The following DLGAP1 variants were observed in gnomAD, a reference collection of about 807,000 sequenced individuals.
DLGAP1 encodes disks large-associated protein 1.
In DLGAP1, 11 loss-of-function variants were observed where a neutral mutation model predicts 90.8. That is an observed-to-expected ratio of 0.12 (90% CI 0.08 to 0.20). The LOEUF is 0.20. Ranked by LOEUF, DLGAP1 falls within the 10% of genes least tolerant of loss-of-function variation. DLGAP1 has a pLI of 1.00. For missense variants in DLGAP1, 1,050 were observed against 1,333.8 expected (o/e 0.79, Z 3.31); for synonymous variants, 558 against 540.7 (o/e 1.03, Z -0.44).
chr18:3,879,897 C>T lies in DLGAP1; in HGVS notation c.172G>A (p.Val58Met), dbSNP rs1258270976. 1 of 1,612,056 alleles carries T rather than the reference C, an allele frequency of 6.2e-7. No individual in the cohort carries two copies. Among genetic ancestry groups the T allele is most frequent in the East Asian group, 2.2e-5 (1 of 44,850 alleles). Residue 58 changes from valine (V) to methionine (M), a missense_variant, in exon 4 of 13, where the codon GTG (valine) becomes ATG (methionine). Val to Met is a conservative substitution (Grantham distance 21). This residue lies in a region of DLGAP1 where 485 missense variants were observed against 454.1 expected (regional missense o/e 1.07). Coordinates refer to ENST00000315677, the MANE Select transcript of DLGAP1 (RefSeq NM_004746.4). This position sits in a 1 kb window ranked among gnomAD's most constrained non-coding sequence, Gnocchi z 6.6. ...TQRNSFQAEC[V>M]GPFSDPLASS... ...GCCAGCGGGTCGCTGAAGGGGCCCA[C>T]GCACTCAGCCTGGAAGGAGTTCCGC...
intron 2 of DLGAP1, among the ~76,000 whole-genome samples, chr18:4,129,335 T>C (rs1050005990): frequency 5.9e-5 from 9 of 152,086 alleles, no homozygotes; most frequent in African/African-American, 2.2e-4. Flanking sequence ...CACACACATA[T>C]AATAGTTTGG....
intron 2 of DLGAP1, among the ~76,000 whole-genome samples, chr18:4,089,333 C>A (rs146878331): frequency 0.017 from 2,645 of 152,310 alleles, 80 homozygotes; most frequent in African/African-American, 0.058. Context: ...ACATTCCATG[C>A]TCATGGATAG....
chr18:3,606,228 C>T (rs905569743), intron 7 of DLGAP1, among the ~76,000 whole-genome samples: 3 of 152,144 alleles, frequency 2.0e-5, no homozygotes, highest in East Asian at 1.9e-4. Context: ...GGTGCCTTGA[C>T]GAGTCACCAC....
intron 9 of DLGAP1, among the ~76,000 whole-genome samples, chr18:3,553,278 T>G (rs1273120491): frequency 1.3e-5 from 2 of 152,210 alleles, no homozygotes; most frequent in Non-Finnish European, 2.9e-5. Context: ...GTTGTAAGAC[T>G]ATACATAGGA....
At chr18:3,600,750 A>C (rs867838617) in intron 7 of DLGAP1, among the ~76,000 whole-genome samples, 1,204 of 10,860 alleles carry the variant, frequency 0.11, 263 homozygotes, top group African/African-American at 0.15. Context: ...ATATATAGAT[A>C]TATATAGATA....
intron 7 of DLGAP1, among the ~76,000 whole-genome samples, chr18:3,611,862 C>A (rs2057650567): frequency 6.6e-6 from 1 of 152,196 alleles, no homozygotes; most frequent in Non-Finnish European, 1.5e-5. Flanking sequence ...TGGATGGGAC[C>A]AAGTCCTGTT....
intron 4 of DLGAP1, among the ~76,000 whole-genome samples, chr18:3,852,361 C>A (rs1340658297): frequency 1.3e-5 from 2 of 152,104 alleles, no homozygotes. Flanking sequence ...CTAACCTCAG[C>A]AAAGAGTGGA....
At chr18:4,223,627 A>C (rs913233879) in intron 1 of DLGAP1, among the ~76,000 whole-genome samples, 2 of 152,236 alleles carry the variant, frequency 1.3e-5, no homozygotes, top group Non-Finnish European at 2.9e-5. Context: ...TAACAACAAT[A>C]GATATTAAAA....
rs1219081339 is a variant in DLGAP1 at position 4,240,864 on chromosome 18, T to G, written c.-266-89577A>C. Among the ~76,000 whole-genome samples, 6 of 152,340 alleles carry G rather than the reference T, an allele frequency of 3.9e-5. 1 individual carries two copies. Among genetic ancestry groups the G allele is most frequent in the Admixed American group, 3.9e-4 (6 of 15,298 alleles). On this transcript the variant is annotated intron_variant, in intron 1 of 12. Coordinates refer to ENST00000315677, the MANE Select transcript of DLGAP1 (RefSeq NM_004746.4). ...TCTCAAAAGTTCCATGTGGTTACTA[T>G]GCAATCATACGAACTTACACAATTT...
At chr18:4,194,293 T>A (rs1241295082) in intron 1 of DLGAP1, among the ~76,000 whole-genome samples, 1 of 152,242 alleles carries the variant, frequency 6.6e-6, no homozygotes, top group Non-Finnish European at 1.5e-5. Flanking sequence ...TTCTTTAGGA[T>A]AATGTTGGCC....
intron 1 of DLGAP1, among the ~76,000 whole-genome samples, chr18:4,327,292 TAC>T (rs2080843706): frequency 6.6e-6 from 1 of 152,024 alleles, no homozygotes; most frequent in Admixed American, 6.6e-5. Context: ...TTACACAAGG[TAC>T]ACATATATCA....
intron 1 of DLGAP1, among the ~76,000 whole-genome samples, chr18:4,244,975 C>T (rs2078623578): frequency 6.6e-6 from 1 of 152,150 alleles, no homozygotes; most frequent in Non-Finnish European, 1.5e-5. Context: ...AACAGTTCTC[C>T]CTTATTCTTG....
chr18:4,432,620 G>A (rs953020662), intron 1 of DLGAP1, among the ~76,000 whole-genome samples: 2 of 152,042 alleles, frequency 1.3e-5, no homozygotes, highest in African/African-American at 4.8e-5. Flanking sequence ...GTGTGTGTGT[G>A]TGTGTGGTGA....
chr18:3,985,294 T>A (rs755781189), intron 3 of DLGAP1, among the ~76,000 whole-genome samples: 3 of 152,180 alleles, frequency 2.0e-5, no homozygotes, highest in South Asian at 4.1e-4. Context: ...TAAAACATAC[T>A]TTTTCAACAA....
chr18:3,948,817 A>C lies in DLGAP1; in HGVS notation c.-73+56299T>G, dbSNP rs537780686. On this transcript the variant is annotated intron_variant, in intron 3 of 12. Coordinates refer to ENST00000315677, the MANE Select transcript of DLGAP1 (RefSeq NM_004746.4). Reference sequence around the variant, plus strand: ...GAATAAAAGAAGACAAATTGGGTTCAGTGTATACTGCTCGGGTGATGGGTG... The same window carrying C: ...GAATAAAAGAAGACAAATTGGGTTCCGTGTATACTGCTCGGGTGATGGGTG... Among the ~76,000 whole-genome samples the C allele has an allele frequency of 1.4e-4, 21 of 152,278 alleles. No homozygotes were observed. In the East Asian group the frequency reaches 3.7e-3, roughly 27 times the overall value.
intron 1 of DLGAP1, among the ~76,000 whole-genome samples, chr18:4,196,117 C>T (rs2077493168): frequency 6.6e-6 from 1 of 152,142 alleles, no homozygotes; most frequent in African/African-American, 2.4e-5. Flanking sequence ...CCAAACACTG[C>T]TGAGCATCAA....
At chr18:4,048,565 A>AT (rs939584573) in intron 2 of DLGAP1, among the ~76,000 whole-genome samples, 3 of 152,116 alleles carry the variant, frequency 2.0e-5, no homozygotes, top group Admixed American at 1.3e-4. Flanking sequence ...GTTTTTGGTA[A>AT]TTTTTTTCTT....
At chr18:3,694,773 G>A (rs975932058) in intron 7 of DLGAP1, among the ~76,000 whole-genome samples, 1 of 152,046 alleles carries the variant, frequency 6.6e-6, no homozygotes, top group Non-Finnish European at 1.5e-5. Flanking sequence ...GTAGATTCTG[G>A]ATATTAGCCC....
rs547308083 is a variant in DLGAP1 at position 3,865,994 on chromosome 18, C to T, written c.957+13118G>A. 6.4e-4 allele frequency among the ~76,000 whole-genome samples: 98 copies of T among 152,300 alleles called. 1 individual carries two copies. Among genetic ancestry groups the T allele is most frequent in the African/African-American group, 2.3e-3 (96 of 41,572 alleles). On this transcript the variant is annotated intron_variant, in intron 4 of 12. Coordinates refer to ENST00000315677, the MANE Select transcript of DLGAP1 (RefSeq NM_004746.4). ...TCAGTATGGTGCTGTGGAAAGAGCA[C>T]TAGCCTGGGAGTCAAGGGGCCTGTG...
Sources: gnomAD v4.1 joint callset for allele counts (sites outside exome capture counted in the v4.1 genomes callset) on GRCh38, gnomAD v4.1.1 for gene constraint, gnomAD v4.1.1 regional missense constraint, Gnocchi (gnomAD v3.1) non-coding constraint, MANE v1.5 for transcripts, NCBI Gene and HGNC (gene_info 2026-07-23, HGNC 2026-07-21) for gene names.